Variants in GNAQ observed in about 807,000 individuals in gnomAD.
GNAQ encodes guanine nucleotide-binding protein G(q) subunit alpha.
A neutral mutation model predicts 43.9 loss-of-function variants in GNAQ; 8 were observed. The ratio of observed to expected loss-of-function variants is 0.18; its 90% confidence interval spans 0.11 to 0.33. GNAQ has a LOEUF of 0.33. GNAQ is among the 10% of genes least tolerant of loss of function. The pLI, the probability that GNAQ is intolerant of heterozygous loss-of-function variation, is 1.00. For synonymous variants in GNAQ, 155 were observed against 170.7 expected (o/e 0.91, Z 0.71); for missense variants, 158 against 450.8 (o/e 0.35, Z 5.88).
chr9:77,825,216 A>G (rs1827174155), intron 2 of GNAQ, among the ~76,000 whole-genome samples: 1 of 152,238 alleles, frequency 6.6e-6, no homozygotes, highest in Admixed American at 6.5e-5. Context: ...TTTCTAAAAA[A>G]ACTTATTATG....
intron 2 of GNAQ, among the ~76,000 whole-genome samples, chr9:77,910,121 C>T (rs1478470117): frequency 6.6e-6 from 1 of 152,096 alleles, no homozygotes; most frequent in African/African-American, 2.4e-5. Context: ...TTGATACATG[C>T]TATTAAAATG....
At chr9:77,901,139 T>C (rs1005573365) in intron 2 of GNAQ, among the ~76,000 whole-genome samples, 1 of 152,058 alleles carries the variant, frequency 6.6e-6, no homozygotes, top group African/African-American at 2.4e-5. Flanking sequence ...AGTACCACAC[T>C]CTCACACCAC....
chr9:77,995,489 C>CATAT (rs202049907), intron 1 of GNAQ, among the ~76,000 whole-genome samples: 1 of 151,928 alleles, frequency 6.6e-6, no homozygotes, highest in Non-Finnish European at 1.5e-5. Flanking sequence ...AGCTTATTAA[C>CATAT]ATATATATAT....
intron 1 of GNAQ, chr9:78,030,690 A>T: frequency 2.6e-6 from 1 of 391,232 alleles, no homozygotes. Context: ...CCACGCCACC[A>T]CCCCATGGGG....
intron 2 of GNAQ, among the ~76,000 whole-genome samples, chr9:77,903,871 T>C (rs562369704): frequency 5.3e-5 from 8 of 152,314 alleles, no homozygotes; most frequent in South Asian, 4.1e-4. Flanking sequence ...CTAAAACCCG[T>C]GCCTGTTTCC....
intron 1 of GNAQ, among the ~76,000 whole-genome samples, chr9:78,007,758 C>T (rs949313209): frequency 1.3e-5 from 2 of 152,146 alleles, no homozygotes; most frequent in Non-Finnish European, 2.9e-5. Context: ...TTGTGAGATC[C>T]CACACATCTG....
intron 6 of GNAQ, among the ~76,000 whole-genome samples, chr9:77,722,723 C>T (rs1000238445): frequency 7.0e-6 from 1 of 143,190 alleles, no homozygotes; most frequent in Non-Finnish European, 1.5e-5. Flanking sequence ...GTGGAATGAT[C>T]ATGGCTCACT....
At chr9:78,008,756 C>A (rs892710370) in intron 1 of GNAQ, among the ~76,000 whole-genome samples, 1 of 152,150 alleles carries the variant, frequency 6.6e-6, no homozygotes, top group African/African-American at 2.4e-5. Context: ...GTAGCTGGGA[C>A]TACAGGCACA....
chr9:78,010,233 AAAGG>A, intron 1 of GNAQ, among the ~76,000 whole-genome samples: 1 of 152,334 alleles, frequency 6.6e-6, no homozygotes, highest in Middle Eastern at 3.4e-3. Context: ...ATGGTTCATA[AAAGG>A]AAGAAAGCCA....
chr9:77,977,016 T>C (rs978426483), intron 1 of GNAQ, among the ~76,000 whole-genome samples: 11 of 152,130 alleles, frequency 7.2e-5, no homozygotes, highest in African/African-American at 2.7e-4. Flanking sequence ...GATAGAGAAA[T>C]CTGCAGCTAC....
chr9:77,954,124 T>G (rs1182900443), intron 1 of GNAQ, among the ~76,000 whole-genome samples: 1 of 152,224 alleles, frequency 6.6e-6, no homozygotes, highest in East Asian at 1.9e-4. Context: ...AAAGTCCAAT[T>G]TCACCCTTTG....
chr9:77,925,683 A>C (rs564637808), intron 1 of GNAQ, among the ~76,000 whole-genome samples: 5 of 152,350 alleles, frequency 3.3e-5, no homozygotes, highest in African/African-American at 1.2e-4. Context: ...AGTTTCACGT[A>C]AGAAAAATCT....
intron 2 of GNAQ, among the ~76,000 whole-genome samples, chr9:77,860,637 C>T (rs1188313885): frequency 3.9e-5 from 6 of 152,170 alleles, no homozygotes; most frequent in Admixed American, 2.6e-4. Context: ...TGACAGGAGG[C>T]GAAGCTCAGG....
chr9:77,959,101 G>C lies in GNAQ; in HGVS notation c.137-36756C>G, dbSNP rs145659770. On this transcript the variant is annotated intron_variant, in intron 1 of 6. Coordinates refer to ENST00000286548, the MANE Select transcript of GNAQ (RefSeq NM_002072.5). ...AAACATCTCCATTAGAATCACGCAA[G>C]GAGAGGGCCCCAGAGTTCAATATTT... is the stretch of plus-strand genomic sequence containing the variant. Among the ~76,000 whole-genome samples the C allele has an allele frequency of 7.8e-3, 1,194 of 152,266 alleles. 12 individuals are homozygous for C. Among genetic ancestry groups the C allele is most frequent in the African/African-American group, 0.027 (1,133 of 41,538 alleles).
chr9:78,017,203 C>T (rs1248989214), intron 1 of GNAQ, among the ~76,000 whole-genome samples: 1 of 152,084 alleles, frequency 6.6e-6, no homozygotes, highest in Admixed American at 6.5e-5. Flanking sequence ...TCTGTATCTG[C>T]CAATTTCTGT....
rs1423227755 is a variant in GNAQ, at chr9:77,728,798, T to A, written c.736-131A>T. 4.7e-6 allele frequency: 3 copies of A among 632,122 alleles called. No individual in the cohort carries two copies. In the East Asian group the frequency reaches 8.0e-5, roughly 17 times the overall value. 39.2% of individuals were successfully genotyped at this position (632,122 alleles called of 1,614,324 possible). ...CAGTTTTTGTAGCCCTGTGTTGGAT[T>A]TGTCAGGATTTATATGCAAATGATT... On this transcript the variant is annotated intron_variant, in intron 5 of 6. Coordinates refer to ENST00000286548, the MANE Select transcript of GNAQ (RefSeq NM_002072.5).
At chr9:77,987,131 T>G (rs1441424263) in intron 1 of GNAQ, among the ~76,000 whole-genome samples, 1 of 152,178 alleles carries the variant, frequency 6.6e-6, no homozygotes, top group African/African-American at 2.4e-5. Flanking sequence ...TTGCCTGTCG[T>G]CATGTTGTTG....
At chr9:77,915,838 C>A (rs1399800665) in intron 2 of GNAQ, among the ~76,000 whole-genome samples, 1 of 152,178 alleles carries the variant, frequency 6.6e-6, no homozygotes, top group Non-Finnish European at 1.5e-5. Context: ...TATGGAGAAT[C>A]CATGTGTCAC....
rs144544114 is a variant in GNAQ at position 77,854,950 on chromosome 9, G to A, written c.322-39180C>T. Among the ~76,000 whole-genome samples, 1,270 of 152,260 alleles carry A rather than the reference G, an allele frequency of 8.3e-3. 11 individuals are homozygous for A. The highest frequency in any genetic ancestry group is 0.024 in the African/African-American group (1,008 of 41,536). ...AAGAACAAATAACCAGTCTTTCTGG[G>A]AAATGGGCACTTCAAAAGTAGGAGA... On this transcript the variant is annotated intron_variant, in intron 2 of 6. Coordinates refer to ENST00000286548, the MANE Select transcript of GNAQ (RefSeq NM_002072.5).
Sources: gnomAD v4.1 joint callset for allele counts (sites outside exome capture counted in the v4.1 genomes callset) on GRCh38, gnomAD v4.1.1 for gene constraint, MANE v1.5 for transcripts, NCBI Gene and HGNC (gene_info 2026-07-23, HGNC 2026-07-21) for gene names.